The following PKP3 variants were observed in gnomAD, a reference collection of about 807,000 sequenced individuals.
The protein encoded by PKP3 is plakophilin 3.
In PKP3, 66 loss-of-function variants were observed where a neutral mutation model predicts 76.5. The observed-to-expected ratio is 0.86, with a 90% confidence interval of 0.71 to 1.06. The LOEUF (loss-of-function observed/expected upper bound fraction) is 1.06, where lower values mean the gene tolerates loss of function less well. Among genes scored for constraint, PKP3 ranks in the 50% least tolerant of loss-of-function variants. The pLI is 0.00. For synonymous variants in PKP3, 638 were observed against 516.5 expected (o/e 1.24, Z -3.19); for missense variants, 1,338 against 1,141.0 (o/e 1.17, Z -2.49).
chr11:394,845 G>T (rs1041639762), intron 1 of PKP3, among the ~76,000 whole-genome samples: 3 of 152,204 alleles, frequency 2.0e-5, no homozygotes, highest in Admixed American at 2.0e-4. Flanking sequence ...CGGCAAACCC[G>T]GAACACGCAC....
In PKP3 at chr11:400,027, T is replaced by G; in HGVS notation, c.1334T>G (p.Leu445Arg). Residue 445 changes from leucine to arginine, a missense_variant, in exon 6 of 13, where the codon CTG becomes CGG. Leu to Arg is a moderately radical substitution (Grantham distance 102, BLOSUM62 -2). Transcript: ENST00000331563. ...HLKDRLARDT[L>R]EQLTDLVLSP... is the part of the protein sequence containing the mutation. ...AAGGACCGCCTGGCCAGAGACACGC[T>G]GGAGCAGCTCACAGACCTGGTGTTG... 6.2e-7 allele frequency: 1 copy of G among 1,608,296 alleles called. No individual in the cohort carries two copies.
In PKP3 at chr11:397,487, G is replaced by T. The variant is rs775877170; in HGVS notation, c.944+42G>T. On this transcript the variant is annotated intron_variant, in intron 3 of 12. Coordinates refer to ENST00000331563, the MANE Select transcript of PKP3 (RefSeq NM_007183.4). ...GGCTCAGGGAGGGGGCTTCTACCAC[G>T]GGCCCAGCCTGAACCCAAAGTTAGC... 13 of 1,611,660 alleles carry T rather than the reference G, an allele frequency of 8.1e-6. No homozygotes were observed. The South Asian group carries it at 1.4e-4, about 18-fold the overall frequency.
In PKP3 at chr11:397,264, C is replaced by T. The variant is rs1195940560; in HGVS notation, c.763C>T (p.Gln255Ter). 1.3e-6 allele frequency: 2 copies of T among 1,599,052 alleles called. No homozygotes were observed. Among genetic ancestry groups the T allele is most frequent in the Admixed American group, 3.4e-5 (2 of 59,522 alleles). The part of the protein sequence containing the change: ...APAVRTLQRF[Q>*]SSHRSRGVGG... ...TGCCGTGCGGACCCTGCAGCGATTC[C>T]AGAGCAGCCACCGGAGCCGCGGGGT... Residue 255 changes from glutamine to a stop codon, truncating the protein, a stop_gained, in exon 3 of 13, where the codon CAG (glutamine) becomes TAG (stop). Coordinates refer to ENST00000331563, the MANE Select transcript of PKP3 (RefSeq NM_007183.4). LOFTEE classifies it high-confidence loss of function.
rs1456684759 is a variant in PKP3, at chr11:404,584, AG to A, written c.*17del. ...TGGGCCCATAGGTGAAGCCTTCTGG[AG>A]GAGAAGGTGACGTGGCCCAGCGTCC... On this transcript the variant is annotated 3_prime_UTR_variant, in exon 13 of 13. Transcript: ENST00000331563. This position sits in a 1 kb window ranked among gnomAD's most constrained non-coding sequence, Gnocchi z 4.2. 1 of 1,611,492 alleles carries A rather than the reference AG, an allele frequency of 6.2e-7. No individual in the cohort carries two copies. The highest frequency in any genetic ancestry group is 8.5e-7 in the Non-Finnish European group (1 of 1,178,898).
upstream of PKP3, chr11:392,605 G>T: frequency 7.9e-7 from 1 of 1,269,298 alleles, no homozygotes; most frequent in Non-Finnish European, 1.0e-6. Context: ...CGCAGAGGCT[G>T]CCCCGCACGC....
chr11:392,605 G>A (rs1190665456), upstream of PKP3: 3 of 1,269,178 alleles, frequency 2.4e-6, no homozygotes, highest in African/African-American at 4.6e-5. Flanking sequence ...CGCAGAGGCT[G>A]CCCCGCACGC....
At position 396,663 on chromosome 11, in the gene PKP3, G is replaced by A. The variant is rs773017368; in HGVS notation, c.288G>A (p.Gln96=). ...AGGCTGGCTTCAGCTCTCGCTCTCA[G>A]GGCCTGAGTGGGGACAAGACCTCGG... ...TLQAGFSSRS[Q]GLSGDKTSGF... The change falls in exon 2 of 13, where the codon CAG becomes CAA. Residue 96 remains glutamine (Q), a synonymous_variant. Coordinates refer to ENST00000331563, the MANE Select transcript of PKP3 (RefSeq NM_007183.4). 6.2e-7 allele frequency: 1 copy of A among 1,611,288 alleles called. No homozygotes were observed. Among genetic ancestry groups the A allele is most frequent in the South Asian group, 1.1e-5 (1 of 90,836 alleles).
Position 396,687 on chromosome 11 carries a change from G to A in PKP3, c.312G>A (p.Ser104=), listed in dbSNP as rs544190201. 1.8e-5 allele frequency: 29 copies of A among 1,609,530 alleles called. No homozygotes were observed. The highest frequency in any genetic ancestry group is 3.3e-5 in the Admixed American group (2 of 59,756). The change falls in exon 2 of 13, where the codon TCG becomes TCA. Residue 104 remains serine, a splice_region_variant and synonymous_variant. Coordinates refer to ENST00000331563, the MANE Select transcript of PKP3 (RefSeq NM_007183.4). ...RSQGLSGDKT[S]GFRPIAKPAY... ...AGGGCCTGAGTGGGGACAAGACCTC[G>A]GTGAGCGATGGGCCCAGCCCGAGGG...
At chr11:396,564 T>G in intron 1 of PKP3, 44 bp from the exon 2 acceptor site, 1 of 1,392,464 alleles carries the variant, frequency 7.2e-7, no homozygotes, top group Non-Finnish European at 1.0e-6. Flanking sequence ...AGGCCAGTGC[T>G]TTGCTGTGTG....
chr11:395,287 A>G (rs1347357196), intron 1 of PKP3, among the ~76,000 whole-genome samples: 1 of 152,204 alleles, frequency 6.6e-6, no homozygotes, highest in Non-Finnish European at 1.5e-5. Flanking sequence ...GACCTCCCAG[A>G]ATGCCAGGGA....
chr11:404,731 G>A lies in PKP3; in HGVS notation c.*162G>A, dbSNP rs1847228536. On this transcript the variant is annotated 3_prime_UTR_variant, in exon 13 of 13. Transcript: ENST00000331563. The surrounding 1 kb of genome is among the most constrained non-coding windows in gnomAD (Gnocchi z 4.2). ...TTGAGGGTCCTGGGCCACCAGGAGGGGCAGGGTCTTATAGCTGGGGACTTG... is the reference window on the plus strand; with the variant it reads ...TTGAGGGTCCTGGGCCACCAGGAGGAGCAGGGTCTTATAGCTGGGGACTTG... 1.6e-6 allele frequency: 1 copy of A among 644,760 alleles called. No homozygotes were observed. Among genetic ancestry groups the A allele is most frequent in the Non-Finnish European group, 2.7e-6 (1 of 367,232 alleles). The allele number at this position is 644,760 out of a possible 1,614,324, so 39.9% of individuals were successfully genotyped here. A position where few individuals can be genotyped will look rare whatever the true frequency, so the allele number is the denominator to read the frequency against.
At position 394,426 on chromosome 11, in the gene PKP3, G is replaced by A. The variant is rs994898358; in HGVS notation, c.134G>A (p.Arg45His). Reference protein sequence around the residue: ...GPEAERLRAARVQEQVRARLL... With the variant: ...GPEAERLRAAHVQEQVRARLL... ...GAGGCCGAGCGGCTGCGGGCAGCCCGCGTCCAGGAGCAGGTCCGCGCCCGC... is the reference window on the plus strand; with the variant it reads ...GAGGCCGAGCGGCTGCGGGCAGCCCACGTCCAGGAGCAGGTCCGCGCCCGC... The change falls in exon 1 of 13, where the codon CGC becomes CAC. Residue 45 changes from arginine (R) to histidine (H), a missense_variant. Transcript: ENST00000331563. 9.5e-6 allele frequency: 14 copies of A among 1,467,538 alleles called. No homozygotes were observed. Among genetic ancestry groups the A allele is most frequent in the Admixed American group, 4.9e-5 (2 of 40,424 alleles). The allele number at this position is 1,467,538 out of a possible 1,614,324, so 90.9% of individuals were successfully genotyped here. A position where few individuals can be genotyped will look rare whatever the true frequency, so the allele number is the denominator to read the frequency against.
intron 1 of PKP3, 58 bp downstream of exon 1, chr11:394,582 G>T: frequency 7.7e-7 from 1 of 1,294,578 alleles, no homozygotes; most frequent in South Asian, 1.8e-5. Flanking sequence ...GCTGCGGGCG[G>T]ACGTGATAGT....
At position 397,240 on chromosome 11, in the gene PKP3, G is replaced by T; in HGVS notation, c.739G>T (p.Ala247Ser). The T allele has an allele frequency of 6.3e-7, 1 of 1,599,774 alleles. No homozygotes were observed. The change falls in exon 3 of 13, where the codon GCC becomes TCC. Residue 247 changes from alanine to serine, a missense_variant. Coordinates refer to ENST00000331563, the MANE Select transcript of PKP3 (RefSeq NM_007183.4). The part of the protein sequence containing the change: ...VSPSRTIRAP[A>S]VRTLQRFQSS... ...CCCGAGCCGGACCATCCGTGCCCCT[G>T]CCGTGCGGACCCTGCAGCGATTCCA... is the stretch of plus-strand genomic sequence containing the variant.
At chr11:394,618 C>T (rs1450521267) in intron 1 of PKP3, 94 bp downstream of exon 1, 17 of 1,040,122 alleles carry the variant, frequency 1.6e-5, no homozygotes, top group Non-Finnish European at 7.7e-6. Flanking sequence ...GCAGTGAGGC[C>T]GGCTCCTGAC....
rs74681806 is a variant in PKP3 at position 397,050 on chromosome 11, G to C, written c.549G>C (p.Ser183=). The stretch of plus-strand genomic sequence containing the variant: ...ACTATGACACACTCTCCCTGCGCTC[G>C]CTGCGGCTGGGGCCCGGGGGCCTGG... The part of the protein sequence containing the change: ...RADYDTLSLR[S]LRLGPGGLDD... Residue 183 remains serine (S), a synonymous_variant, in exon 3 of 13, where the codon TCG becomes TCC. Coordinates refer to ENST00000331563, the MANE Select transcript of PKP3 (RefSeq NM_007183.4). The C allele has an allele frequency of 1.1e-4, 182 of 1,599,360 alleles. No homozygotes were observed. The African/African-American group carries it at 2.2e-3, about 19-fold the overall frequency.
intron 6 of PKP3, 43 bp from the exon 7 acceptor site, chr11:400,291 G>A (rs1847129623): frequency 1.3e-6 from 2 of 1,495,510 alleles, no homozygotes; most frequent in South Asian, 2.5e-5. Context: ...CAAGGCCCGG[G>A]ATGCGGGGTC....
At position 404,152 on chromosome 11, in the gene PKP3, C is replaced by T. The variant is rs1219143608; in HGVS notation, c.2270+17C>T. 2 of 1,607,670 alleles carry T rather than the reference C, an allele frequency of 1.2e-6. No homozygotes were observed. Among genetic ancestry groups the T allele is most frequent in the Non-Finnish European group, 1.7e-6 (2 of 1,176,532 alleles). On this transcript the variant is annotated intron_variant, in intron 11 of 12. Coordinates refer to ENST00000331563, the MANE Select transcript of PKP3 (RefSeq NM_007183.4). The surrounding 1 kb of genome is among the most constrained non-coding windows in gnomAD (Gnocchi z 4.2). ...GCGGGACAGGTAGGGGCCGACCCAG[C>T]CGTGCAGCAGCCTGGTCAGGGGTCC...
At chr11:395,145 G>A (rs897561844) in intron 1 of PKP3, among the ~76,000 whole-genome samples, 5 of 152,220 alleles carry the variant, frequency 3.3e-5, no homozygotes, top group African/African-American at 9.7e-5. Flanking sequence ...CCACTCACGC[G>A]AGTGTGTGTG....
Sources: allele counts gnomAD v4.1 joint callset (sites outside exome capture counted in the v4.1 genomes callset), GRCh38; gene constraint gnomAD v4.1.1; non-coding constraint Gnocchi (gnomAD v3.1); transcripts MANE v1.5; gene names NCBI Gene and HGNC (gene_info 2026-07-23, HGNC 2026-07-21).